The following CACNB2 variants were observed in gnomAD, a reference collection of about 807,000 sequenced individuals.
CACNB2 encodes the protein calcium voltage-gated channel auxiliary subunit beta 2, also known as voltage-dependent L-type calcium channel subunit beta-2.
A neutral mutation model predicts 73.3 loss-of-function variants in CACNB2; 42 were observed. The observed-to-expected ratio is 0.57, with a 90% confidence interval of 0.45 to 0.74. The LOEUF (loss-of-function observed/expected upper bound fraction) is 0.74, where lower values mean the gene tolerates loss of function less well. CACNB2 is among the 30% of genes least tolerant of loss of function. The pLI is 0.00. For synonymous variants in CACNB2, 348 were observed against 310.3 expected (o/e 1.12, Z -1.28); for missense variants, 940 against 853.0 (o/e 1.10, Z -1.27).
intron 1 of CACNB2, among the ~76,000 whole-genome samples, chr10:18,145,604 T>C (rs941308582): frequency 6.6e-6 from 1 of 152,198 alleles, no homozygotes; most frequent in African/African-American, 2.4e-5. Flanking sequence ...TTTAATTCCT[T>C]TGAATTATAT....
intron 2 of CACNB2, among the ~76,000 whole-genome samples, chr10:18,189,414 G>A (rs1270427639): frequency 6.6e-6 from 1 of 152,106 alleles, no homozygotes; most frequent in Non-Finnish European, 1.5e-5. Flanking sequence ...TTTTTTGGAT[G>A]CATGTATTTA....
chr10:18,154,597 A>T (rs2031886360), intron 2 of CACNB2, among the ~76,000 whole-genome samples: 1 of 152,050 alleles, frequency 6.6e-6, no homozygotes, highest in Non-Finnish European at 1.5e-5. Context: ...CCTCCCCAGT[A>T]GCTGGGATTA....
chr10:18,488,488 A>G (rs1028781466), intron 3 of CACNB2, among the ~76,000 whole-genome samples: 48 of 146,914 alleles, frequency 3.3e-4, no homozygotes, highest in African/African-American at 1.2e-3. Flanking sequence ...AAAAAAAAAA[A>G]AAAAAAAAAA....
At position 18,514,375 on chromosome 10, in the gene CACNB2, A is replaced by G. The variant is rs1402353908; in HGVS notation, c.804+6A>G. 1 of 1,614,136 alleles carries G rather than the reference A, an allele frequency of 6.2e-7. No homozygotes were observed. Among genetic ancestry groups the G allele is most frequent in the East Asian group, 2.2e-5 (1 of 44,882 alleles). ...GAATGCCCTTCTTTAAGAAGGTAAC[A>G]TTAACTTCCAAGCTCCCATTGTCCA... is the stretch of plus-strand genomic sequence containing the variant. On this transcript the variant is annotated splice_donor_region_variant and intron_variant, in intron 7 of 13. Transcript: ENST00000324631.
chr10:18,186,599 T>G (rs1429837318), intron 2 of CACNB2, among the ~76,000 whole-genome samples: 1 of 152,070 alleles, frequency 6.6e-6, no homozygotes, highest in African/African-American at 2.4e-5. Context: ...AAGGCATGTC[T>G]TACATGTCCA....
chr10:18,524,851 CCT>C (rs941348776), intron 9 of CACNB2, among the ~76,000 whole-genome samples: 25 of 146,972 alleles, frequency 1.7e-4, no homozygotes, highest in Admixed American at 1.4e-4. Flanking sequence ...ATAATGAGGC[CCT>C]GTTTCTACTA....
intron 2 of CACNB2, among the ~76,000 whole-genome samples, chr10:18,199,114 A>C (rs1429130527): frequency 6.6e-6 from 1 of 152,192 alleles, no homozygotes; most frequent in African/African-American, 2.4e-5. Flanking sequence ...CTAGCAAAAA[A>C]GCATGATAGG....
At chr10:18,440,116 T>C (rs1018762979) in intron 3 of CACNB2, among the ~76,000 whole-genome samples, 2 of 152,116 alleles carry the variant, frequency 1.3e-5, no homozygotes, top group Non-Finnish European at 2.9e-5. Flanking sequence ...ACATGTGGCC[T>C]CTTGTTGCTG....
chr10:18,158,060 CT>C, intron 2 of CACNB2, among the ~76,000 whole-genome samples: 1 of 152,082 alleles, frequency 6.6e-6, no homozygotes, highest in African/African-American at 2.4e-5. Context: ...TATTTTTTTC[CT>C]TTCTCCCACA....
At chr10:18,153,884 A>G (rs951522395) in intron 2 of CACNB2, among the ~76,000 whole-genome samples, 3 of 147,814 alleles carry the variant, frequency 2.0e-5, no homozygotes, top group East Asian at 2.0e-4. Context: ...GCCCGGCAGC[A>G]TACTAGATTA....
At chr10:18,489,047 C>A (rs1208297423) in intron 3 of CACNB2, among the ~76,000 whole-genome samples, 1 of 151,930 alleles carries the variant, frequency 6.6e-6, no homozygotes, top group Non-Finnish European at 1.5e-5. Context: ...GGCACGGTGG[C>A]TCACACTTAT....
chr10:18,495,811 A>C (rs185135376), intron 3 of CACNB2, among the ~76,000 whole-genome samples: 1 of 152,056 alleles, frequency 6.6e-6, no homozygotes, highest in East Asian at 1.9e-4. Flanking sequence ...AGTAAACTTT[A>C]TATACTTAAG....
chr10:18,468,765 A>T (rs2048030492), intron 3 of CACNB2, among the ~76,000 whole-genome samples: 1 of 151,846 alleles, frequency 6.6e-6, no homozygotes, highest in South Asian at 2.1e-4. Flanking sequence ...ACACCCAGCT[A>T]ATTTTGTATT....
At chr10:18,534,736 AAAAC>A (rs1247527496) in intron 11 of CACNB2, among the ~76,000 whole-genome samples, 9 of 152,234 alleles carry the variant, frequency 5.9e-5, no homozygotes, top group East Asian at 1.9e-4. Context: ...TCAGTGTACT[AAAAC>A]AAAGTACACA....
chr10:18,404,656 C>T (rs1282538150), intron 3 of CACNB2, among the ~76,000 whole-genome samples: 2 of 152,290 alleles, frequency 1.3e-5, no homozygotes, highest in South Asian at 2.1e-4. Context: ...GTGCAGATGA[C>T]GTTAGCAGTG....
chr10:18,535,198 G>GT (rs2053444058), intron 11 of CACNB2, among the ~76,000 whole-genome samples: 2 of 152,196 alleles, frequency 1.3e-5, no homozygotes. Flanking sequence ...ATGTCATGGA[G>GT]TAAGAAAATT....
intron 2 of CACNB2, among the ~76,000 whole-genome samples, chr10:18,374,804 C>A (rs996069045): frequency 1.3e-5 from 2 of 152,132 alleles, no homozygotes; most frequent in African/African-American, 4.8e-5. Context: ...AGCATCAGCT[C>A]TATGCATAGG....
At chr10:18,156,396 T>C (rs971610404) in intron 2 of CACNB2, among the ~76,000 whole-genome samples, 1 of 152,222 alleles carries the variant, frequency 6.6e-6, no homozygotes, top group Non-Finnish European at 1.5e-5. Context: ...ATCAACTTAT[T>C]TGAAGTCAGT....
Position 18,314,199 on chromosome 10 carries a change from A to T in CACNB2, c.214-87725A>T, listed in dbSNP as rs527772397. Reference sequence around the variant, plus strand: ...TGTGGTTAATAGCTTTCTAGAAAAAAGAGTTGTTATAAAACCATAATGTAT... The same window carrying T: ...TGTGGTTAATAGCTTTCTAGAAAAATGAGTTGTTATAAAACCATAATGTAT... On this transcript the variant is annotated intron_variant, in intron 2 of 13. Transcript: ENST00000324631. Among the ~76,000 whole-genome samples, 363 of 152,356 alleles carry T rather than the reference A, an allele frequency of 2.4e-3. 2 individuals are homozygous for T. Among genetic ancestry groups the T allele is most frequent in the African/African-American group, 8.5e-3 (352 of 41,594 alleles).
Sources: gnomAD v4.1 joint callset for allele counts (sites outside exome capture counted in the v4.1 genomes callset) on GRCh38, gnomAD v4.1.1 for gene constraint, MANE v1.5 for transcripts, NCBI Gene and HGNC (gene_info 2026-07-23, HGNC 2026-07-21) for gene names.